Variants in FSTL5 observed in about 807,000 individuals in gnomAD.
FSTL5 encodes follistatin-related protein 5.
A neutral mutation model predicts 89.1 loss-of-function variants in FSTL5; 62 were observed. The ratio of observed to expected loss-of-function variants is 0.70; its 90% CI spans 0.57 to 0.86. The LOEUF is 0.86. FSTL5 is among the 40% of genes least tolerant of loss of function. The probability of loss-of-function intolerance (pLI) is 0.00; values close to 1 mark genes in which losing one functional copy is unlikely to be tolerated. For missense variants in FSTL5, 1,057 were observed against 1,001.6 expected (o/e 1.06, Z -0.75); for synonymous variants, 383 against 346.2 (o/e 1.11, Z -1.18).
intron 2 of FSTL5, among the ~76,000 whole-genome samples, chr4:162,061,306 G>C (rs1738710324): frequency 6.6e-6 from 1 of 152,082 alleles, no homozygotes; most frequent in African/African-American, 2.4e-5. Context: ...TGAAGACAAA[G>C]GGAATGCTGA....
chr4:161,655,554 T>C (rs1426698332), intron 7 of FSTL5, among the ~76,000 whole-genome samples: 1 of 152,162 alleles, frequency 6.6e-6, no homozygotes, highest in Non-Finnish European at 1.5e-5. Context: ...CCATGTGAAG[T>C]ATTAGTTTTT....
At chr4:161,775,191 T>G (rs1741363503) in intron 5 of FSTL5, among the ~76,000 whole-genome samples, 1 of 152,114 alleles carries the variant, frequency 6.6e-6, no homozygotes, top group South Asian at 2.1e-4. Flanking sequence ...CTATATTCAC[T>G]GTTAAGGGTA....
At chr4:161,774,474 T>G (rs1017545941) in intron 5 of FSTL5, among the ~76,000 whole-genome samples, 4 of 152,134 alleles carry the variant, frequency 2.6e-5, no homozygotes, top group African/African-American at 9.7e-5. Flanking sequence ...GGCAGAAGCT[T>G]GAAACATGTA....
intron 6 of FSTL5, among the ~76,000 whole-genome samples, chr4:161,662,318 T>C (rs1305382829): frequency 3.3e-5 from 5 of 152,010 alleles, no homozygotes; most frequent in African/African-American, 4.8e-5. Context: ...GAAGACAGCA[T>C]GATGAGAAGG....
At chr4:161,495,383 C>G (rs1730031155) in intron 12 of FSTL5, 2 of 152,148 alleles carry the variant, frequency 1.3e-5, no homozygotes, top group Admixed American at 1.3e-4. Flanking sequence ...TTTTTCCAAA[C>G]TCCTTTTCAG....
intron 8 of FSTL5, among the ~76,000 whole-genome samples, chr4:161,577,745 C>G (rs1733280058): frequency 6.6e-6 from 1 of 152,096 alleles, no homozygotes; most frequent in African/African-American, 2.4e-5. Context: ...TATTCAAAAT[C>G]AGGCAAAATT....
intron 2 of FSTL5, among the ~76,000 whole-genome samples, chr4:162,093,822 C>T (rs1466578680): frequency 6.6e-6 from 1 of 151,992 alleles, no homozygotes; most frequent in Non-Finnish European, 1.5e-5. Flanking sequence ...TACTAATTCG[C>T]ATTTTATAAA....
At chr4:161,718,785 C>CT (rs1553960832) in intron 6 of FSTL5, among the ~76,000 whole-genome samples, 7 of 152,158 alleles carry the variant, frequency 4.6e-5, no homozygotes, top group African/African-American at 1.7e-4. Context: ...GTTTTACTCT[C>CT]TATATATATA....
At chr4:161,982,793 T>G (rs1289969120) in intron 3 of FSTL5, among the ~76,000 whole-genome samples, 1 of 152,206 alleles carries the variant, frequency 6.6e-6, no homozygotes, top group Non-Finnish European at 1.5e-5. Context: ...ATTGATTTAC[T>G]AAAAATATTC....
At chr4:161,834,795 T>C (rs1730977605) in intron 4 of FSTL5, among the ~76,000 whole-genome samples, 1 of 151,922 alleles carries the variant, frequency 6.6e-6, no homozygotes, top group African/African-American at 2.4e-5. Context: ...CTCGAGGAAA[T>C]ACAAGAGGAT....
intron 4 of FSTL5, among the ~76,000 whole-genome samples, chr4:161,896,335 A>G (rs1733156054): frequency 6.6e-6 from 1 of 152,208 alleles, no homozygotes; most frequent in African/African-American, 2.4e-5. Context: ...TTGAACTAAT[A>G]GTCTTATTTC....
At chr4:161,680,637 G>C (rs1737484339) in intron 6 of FSTL5, among the ~76,000 whole-genome samples, 1 of 144,898 alleles carries the variant, frequency 6.9e-6, no homozygotes, top group African/African-American at 2.4e-5. Flanking sequence ...ATTAGAGTTT[G>C]CTCTTATTTT....
intron 15 of FSTL5, among the ~76,000 whole-genome samples, chr4:161,424,712 G>A (rs978647588): frequency 4.6e-5 from 7 of 152,096 alleles, no homozygotes; most frequent in Admixed American, 2.6e-4. Context: ...ATTCTGGGAG[G>A]CCATTATTTT....
intron 3 of FSTL5, among the ~76,000 whole-genome samples, chr4:161,971,977 T>G (rs921120097): frequency 5.9e-5 from 9 of 152,186 alleles, no homozygotes; most frequent in African/African-American, 2.2e-4. Context: ...GTTACTGTGG[T>G]GTACAGACAC....
intron 8 of FSTL5, among the ~76,000 whole-genome samples, chr4:161,585,687 A>G (rs1013384054): frequency 6.6e-6 from 1 of 152,058 alleles, no homozygotes; most frequent in Non-Finnish European, 1.5e-5. Context: ...CAGACGTGCA[A>G]GAACAATTTC....
At chr4:161,678,318 C>T (rs147349318) in intron 6 of FSTL5, among the ~76,000 whole-genome samples, 40 of 151,802 alleles carry the variant, frequency 2.6e-4, no homozygotes, top group Non-Finnish European at 5.2e-4. Context: ...GTGCTTTTTC[C>T]CTCATCAGGA....
At chr4:161,999,548 T>A (rs1460924243) in intron 3 of FSTL5, among the ~76,000 whole-genome samples, 1 of 152,298 alleles carries the variant, frequency 6.6e-6, no homozygotes, top group South Asian at 2.1e-4. Flanking sequence ...AAACACTTCA[T>A]GGTGTCACTA....
chr4:161,695,784 C>T (rs372258830), intron 6 of FSTL5, among the ~76,000 whole-genome samples: 16 of 151,942 alleles, frequency 1.1e-4, no homozygotes, highest in Non-Finnish European at 1.6e-4. Flanking sequence ...TGTCTCTTCA[C>T]GTTCTTAGCC....
At chr4:162,077,999 C>A (rs1024949655) in intron 2 of FSTL5, among the ~76,000 whole-genome samples, 1 of 151,790 alleles carries the variant, frequency 6.6e-6, no homozygotes, top group Non-Finnish European at 1.5e-5. Flanking sequence ...GAGTTGATCA[C>A]CAGCACCCAT....
Sources: gnomAD v4.1 joint callset for allele counts (sites outside exome capture counted in the v4.1 genomes callset) on GRCh38, gnomAD v4.1.1 for gene constraint, MANE v1.5 for transcripts, NCBI Gene and HGNC (gene_info 2026-07-23, HGNC 2026-07-21) for gene names.